The following PRR16 variants were observed in gnomAD, a reference collection of about 807,000 sequenced individuals.
The protein encoded by PRR16 is protein Largen.
In PRR16, 6 loss-of-function variants were observed where a neutral mutation model predicts 18.2. The observed-to-expected ratio is 0.33, with a 90% CI of 0.18 to 0.65. The LOEUF is 0.65. Among genes scored for constraint, PRR16 ranks in the 30% least tolerant of loss-of-function variants. The pLI, the probability that PRR16 is intolerant of heterozygous loss-of-function variation, is 0.74. For synonymous variants in PRR16, 151 were observed against 147.8 expected (o/e 1.02, Z -0.16); for missense variants, 412 against 376.6 (o/e 1.09, Z -0.78).
At chr5:120,542,392 G>T (rs1194566014) in intron 1 of PRR16, among the ~76,000 whole-genome samples, 1 of 152,090 alleles carries the variant, frequency 6.6e-6, no homozygotes, top group Non-Finnish European at 1.5e-5. Flanking sequence ...AGTACAGGGA[G>T]TACCTATATA....
chr5:120,719,289 T>C, the PRR16 span, among the ~76,000 whole-genome samples: 2 of 152,058 alleles, frequency 1.3e-5, no homozygotes, highest in African/African-American at 4.8e-5. Flanking sequence ...TAGATAATCA[T>C]AGTGTTACAG....
the PRR16 span, among the ~76,000 whole-genome samples, chr5:120,763,778 T>A: frequency 1.3e-5 from 2 of 152,146 alleles, no homozygotes; most frequent in African/African-American, 4.8e-5. Context: ...CTTTCTTGGT[T>A]AAATTTATTC....
At chr5:120,583,697 G>T (rs1753347892) in intron 1 of PRR16, among the ~76,000 whole-genome samples, 1 of 152,124 alleles carries the variant, frequency 6.6e-6, no homozygotes, top group African/African-American at 2.4e-5. Flanking sequence ...TCTGGAGGTT[G>T]CTGGATCCTT....
chr5:120,504,146 G>A (rs907283233), intron 1 of PRR16, among the ~76,000 whole-genome samples: 71 of 151,974 alleles, frequency 4.7e-4, no homozygotes, highest in Non-Finnish European at 9.7e-4. Context: ...TTAGCATTAG[G>A]TATATCTCCT....
chr5:120,762,772 T>A, the PRR16 span, among the ~76,000 whole-genome samples: 1 of 152,208 alleles, frequency 6.6e-6, no homozygotes, highest in Non-Finnish European at 1.5e-5. Context: ...TGCAGAGGCA[T>A]TTAATTTAAA....
At chr5:120,480,394 C>G (rs1352690894) in intron 1 of PRR16, among the ~76,000 whole-genome samples, 1 of 152,190 alleles carries the variant, frequency 6.6e-6, no homozygotes, top group Non-Finnish European at 1.5e-5. Context: ...TGCGTGAGTA[C>G]TGCGTTAGCC....
chr5:120,476,275 A>G (rs918943051), intron 1 of PRR16, among the ~76,000 whole-genome samples: 2 of 152,136 alleles, frequency 1.3e-5, no homozygotes, highest in East Asian at 1.9e-4. Flanking sequence ...CGTCTTTCCA[A>G]TTTGGCCTTG....
intron 1 of PRR16, among the ~76,000 whole-genome samples, chr5:120,670,376 T>C (rs1756557080): frequency 6.6e-6 from 1 of 152,162 alleles, no homozygotes; most frequent in Non-Finnish European, 1.5e-5. Context: ...AGCTGTAAAA[T>C]ATCAATTTTC....
chr5:120,573,961 A>G (rs1174956671), intron 1 of PRR16, among the ~76,000 whole-genome samples: 1 of 152,012 alleles, frequency 6.6e-6, no homozygotes, highest in African/African-American at 2.4e-5. Flanking sequence ...AATTAATGAT[A>G]TAATTCTAAA....
the PRR16 span, among the ~76,000 whole-genome samples, chr5:120,793,939 G>GAAAAGATACATTGAAAATGTGGTATT: frequency 6.6e-6 from 1 of 151,994 alleles, no homozygotes; most frequent in Non-Finnish European, 1.5e-5. Flanking sequence ...CCTAAACATA[G>GAAAAGATACATTGAAAATGTGGTATT]AAAAGATACA....
the PRR16 span, among the ~76,000 whole-genome samples, chr5:120,780,887 T>A: frequency 6.6e-6 from 1 of 152,038 alleles, no homozygotes; most frequent in African/African-American, 2.4e-5. Context: ...CCATCGCTAC[T>A]AAAAATACAA....
intron 1 of PRR16, among the ~76,000 whole-genome samples, chr5:120,490,276 C>G (rs1580637824): frequency 2.0e-5 from 3 of 152,330 alleles, no homozygotes; most frequent in African/African-American, 7.2e-5. Context: ...CTCCCCGTCA[C>G]TTTCATGTAC....
Position 120,687,284 on chromosome 5 carries a change from A to G in PRR16, c.*575A>G, listed in dbSNP as rs1757155301. The G allele has an allele frequency of 6.6e-6, 1 of 152,232 alleles. No individual in the cohort carries two copies. 9.4% of individuals were successfully genotyped at this position (152,232 alleles called of 1,614,324 possible). A position where few individuals can be genotyped will look rare whatever the true frequency, so the allele number is the denominator to read the frequency against. ...GGTCTGTGGAAATATTGTTAAATCA[A>G]TAAACAATAGTAAATAATGACAAAA... On this transcript the variant is annotated 3_prime_UTR_variant, in exon 2 of 2. Coordinates refer to ENST00000407149, the MANE Select transcript of PRR16 (RefSeq NM_001300783.2).
the PRR16 span, among the ~76,000 whole-genome samples, chr5:120,729,627 A>C: frequency 2.0e-5 from 3 of 152,164 alleles, no homozygotes; most frequent in Non-Finnish European, 2.9e-5. Flanking sequence ...TATTTTGTTT[A>C]CGCATGGATG....
chr5:120,775,656 G>GT, the PRR16 span, among the ~76,000 whole-genome samples: 1 of 136,404 alleles, frequency 7.3e-6, no homozygotes, highest in Non-Finnish European at 1.6e-5. Flanking sequence ...TTTAGATGGA[G>GT]TTTCACTCTT....
At chr5:120,791,125 C>A in the PRR16 span, among the ~76,000 whole-genome samples, 1 of 152,008 alleles carries the variant, frequency 6.6e-6, no homozygotes, top group East Asian at 1.9e-4. Context: ...AGCCAAACAG[C>A]ATTTTCAGTT....
the PRR16 span, chr5:120,790,284 A>T: frequency 6.6e-6 from 1 of 152,186 alleles, no homozygotes; most frequent in Non-Finnish European, 1.5e-5. Context: ...TAAACACCAA[A>T]CCAACTCATC....
chr5:120,473,435 T>C (rs1349164975), intron 1 of PRR16, among the ~76,000 whole-genome samples: 1 of 152,162 alleles, frequency 6.6e-6, no homozygotes, highest in Non-Finnish European at 1.5e-5. Flanking sequence ...TGCTGTGCAA[T>C]ATTGAGCACA....
intron 1 of PRR16, among the ~76,000 whole-genome samples, chr5:120,571,262 C>G (rs1752897541): frequency 6.6e-6 from 1 of 152,040 alleles, no homozygotes. Flanking sequence ...TGCACAGATG[C>G]AGTGTGTTTA....
Sources: allele counts gnomAD v4.1 joint callset (sites outside exome capture counted in the v4.1 genomes callset), GRCh38; gene constraint gnomAD v4.1.1; transcripts MANE v1.5; gene names NCBI Gene and HGNC (gene_info 2026-07-23, HGNC 2026-07-21).